FBXO21: variants seen among roughly 807,000 people sequenced by gnomAD.
The protein encoded by FBXO21 is F-box protein 21.
A neutral mutation model predicts 76.6 loss-of-function variants in FBXO21; 32 were observed. The ratio of observed to expected loss-of-function variants is 0.42; its 90% CI spans 0.32 to 0.56. The LOEUF (loss-of-function observed/expected upper bound fraction) is 0.56, where lower values mean the gene tolerates loss of function less well. FBXO21 is among the 20% of genes least tolerant of loss of function. FBXO21 has a pLI of 0.16. For missense variants in FBXO21, 586 were observed against 797.3 expected, an observed-to-expected ratio of 0.73 and a Z score of 3.19; for synonymous variants, 328 against 311.5, an observed-to-expected ratio of 1.05 and a Z score of -0.56.
At chr12:117,166,510 T>C (rs1428291957) in intron 8 of FBXO21, among the ~76,000 whole-genome samples, 1 of 151,268 alleles carries the variant, frequency 6.6e-6, no homozygotes, top group Non-Finnish European at 1.5e-5. Flanking sequence ...CTCTAAAAAA[T>C]AGTCTATTAA....
chr12:117,168,235 C>T (rs1270457140), intron 7 of FBXO21, among the ~76,000 whole-genome samples: 2 of 152,190 alleles, frequency 1.3e-5, no homozygotes, highest in Non-Finnish European at 2.9e-5. Context: ...CTACCCTTAG[C>T]AAGGATATAG....
At chr12:117,178,910 T>G (rs1956202644) in intron 3 of FBXO21, among the ~76,000 whole-genome samples, 1 of 152,198 alleles carries the variant, frequency 6.6e-6, no homozygotes, top group Non-Finnish European at 1.5e-5. Flanking sequence ...GCAGGGATTT[T>G]TTTTGTGTTG....
chr12:117,180,648 A>G (rs562379559), intron 3 of FBXO21, among the ~76,000 whole-genome samples: 1 of 152,046 alleles, frequency 6.6e-6, no homozygotes, highest in East Asian at 1.9e-4. Context: ...TTCTTTTGAG[A>G]CGGAGTCTCG....
chr12:117,173,066 G>A (rs1278702042), intron 6 of FBXO21, among the ~76,000 whole-genome samples: 1 of 147,720 alleles, frequency 6.8e-6, no homozygotes, highest in Non-Finnish European at 1.5e-5. Flanking sequence ...ATGGAGTCCC[G>A]CTCTGTTGCC....
chr12:117,149,647 C>T (rs1593056603), intron 11 of FBXO21, among the ~76,000 whole-genome samples: 2 of 152,216 alleles, frequency 1.3e-5, no homozygotes, highest in Admixed American at 6.5e-5. Flanking sequence ...GACGGCCCCC[C>T]ACAAACGGTT....
chr12:117,175,795 C>T (rs983401622), intron 4 of FBXO21, among the ~76,000 whole-genome samples: 11 of 152,252 alleles, frequency 7.2e-5, no homozygotes, highest in African/African-American at 2.7e-4. Context: ...GGAGAGCCAA[C>T]TGTCATTCAC....
At chr12:117,189,831 C>G (rs1000602716) in intron 1 of FBXO21, among the ~76,000 whole-genome samples, 1 of 152,212 alleles carries the variant, frequency 6.6e-6, no homozygotes, top group East Asian at 1.9e-4. Flanking sequence ...CCTGGGGCCA[C>G]GCTGAAATCT....
At chr12:117,181,122 TTC>T (rs1282518208) in intron 3 of FBXO21, among the ~76,000 whole-genome samples, 4 of 152,222 alleles carry the variant, frequency 2.6e-5, no homozygotes, top group African/African-American at 9.6e-5. Context: ...ATATCAGTGT[TTC>T]TCTGTTTTGT....
In FBXO21 at chr12:117,170,299, T is replaced by C. The variant is rs530959784; in HGVS notation, c.1013+2172A>G. ...AAGACTGATAGTGAGACATTGGCGATGTCCCCCTATTAATCTAGAACTCCA... is the reference window on the plus strand; with the variant it reads ...AAGACTGATAGTGAGACATTGGCGACGTCCCCCTATTAATCTAGAACTCCA... On this transcript the variant is annotated intron_variant, in intron 7 of 11. Coordinates refer to ENST00000622495, the MANE Select transcript of FBXO21 (RefSeq NM_015002.3). Among the ~76,000 whole-genome samples, 283 of 152,306 alleles carry C rather than the reference T, an allele frequency of 1.9e-3. 1 individual carries two copies. The highest frequency in any genetic ancestry group is 6.7e-3 in the African/African-American group (280 of 41,566).
intron 9 of FBXO21, among the ~76,000 whole-genome samples, chr12:117,162,386 C>T (rs1238953889): frequency 6.6e-6 from 1 of 152,184 alleles, no homozygotes; most frequent in Non-Finnish European, 1.5e-5. Flanking sequence ...CTCCTAGTGC[C>T]GTCACGGCAT....
At chr12:117,177,337 A>G (rs1305456492) in intron 4 of FBXO21, among the ~76,000 whole-genome samples, 183 bp downstream of exon 4, 1 of 152,246 alleles carries the variant, frequency 6.6e-6, no homozygotes, top group Non-Finnish European at 1.5e-5. Flanking sequence ...TCTTAGCTCT[A>G]AATTTAATAG....
chr12:117,166,003 A>G (rs1442854139), intron 8 of FBXO21, among the ~76,000 whole-genome samples: 1 of 152,152 alleles, frequency 6.6e-6, no homozygotes, highest in Admixed American at 6.5e-5. Context: ...CAGCCTGACC[A>G]ACATTGAGAA....
chr12:117,159,192 T>C (rs1769458321), intron 9 of FBXO21, among the ~76,000 whole-genome samples: 1 of 152,208 alleles, frequency 6.6e-6, no homozygotes, highest in African/African-American at 2.4e-5. Context: ...CCTCAACATT[T>C]ACTGAACACT....
At chr12:117,174,552 T>C (rs3817015) in intron 5 of FBXO21, 99 bp downstream of exon 5, 315,647 of 1,412,888 alleles carry the variant, frequency 0.22, 37,869 homozygotes, top group East Asian at 0.43. Flanking sequence ...TTATCACTTT[T>C]TCATGACATA....
Position 117,143,064 on chromosome 12 carries a change from T to C in FBXO21, c.*3023A>G, listed in dbSNP as rs1351100504. 1 of 152,202 alleles carries C rather than the reference T, an allele frequency of 6.6e-6. No individual in the cohort carries two copies. 9.4% of individuals were successfully genotyped at this position (152,202 alleles called of 1,614,324 possible). On this transcript the variant is annotated 3_prime_UTR_variant, in exon 12 of 12. Coordinates refer to ENST00000622495, the MANE Select transcript of FBXO21 (RefSeq NM_015002.3). ...CGACATGAAAGCCGGCCTTTCAAAA[T>C]CTGATTAGGTGGATAATGTTTGCAA... is the stretch of plus-strand genomic sequence containing the variant.
intron 9 of FBXO21, 23 bp downstream of exon 9, chr12:117,165,462 A>C: frequency 6.2e-7 from 1 of 1,609,892 alleles, no homozygotes; most frequent in Non-Finnish European, 8.5e-7. Context: ...GGCAAGTGCA[A>C]AGCATCAAAG....
Position 117,174,783 on chromosome 12 carries a change from C to A in FBXO21, c.607G>T (p.Asp203Tyr). The A allele has an allele frequency of 6.2e-7, 1 of 1,613,824 alleles. No homozygotes were observed. The highest frequency in any genetic ancestry group is 1.1e-5 in the South Asian group (1 of 90,992). ...TCGGAGAGAGGATTGCAGTACTGGT[C>A]AATATATACAGCACCTGAAAATGAA... ...ESYLEGAVYIDQYCNPLSDIS... is the reference protein window; with the variant it reads ...ESYLEGAVYIYQYCNPLSDIS... Residue 203 changes from aspartate to tyrosine, a missense_variant, in exon 5 of 12, where the codon GAC (aspartate) becomes TAC (tyrosine). This residue lies in a region of FBXO21 where 246 missense variants were observed against 356.8 expected (regional missense o/e 0.69). Transcript: ENST00000622495.
chr12:117,156,689 C>T lies in FBXO21; in HGVS notation c.1518-741G>A, dbSNP rs554728808. On this transcript the variant is annotated intron_variant, in intron 10 of 11. Coordinates refer to ENST00000622495, the MANE Select transcript of FBXO21 (RefSeq NM_015002.3). The stretch of plus-strand genomic sequence containing the variant: ...TGTTGAGGCTGGATGACAGGAACAC[C>T]ACCTGGTTCCTTATAGTCCTTTCTC... Among the ~76,000 whole-genome samples, 5 of 152,230 alleles carry T rather than the reference C, an allele frequency of 3.3e-5. No homozygotes were observed. The South Asian group carries it at 1.0e-3, about 32-fold the overall frequency.
chr12:117,146,133 G>A lies in FBXO21; in HGVS notation c.1820C>T (p.Thr607Met), dbSNP rs779512337. 8.7e-6 allele frequency: 14 copies of A among 1,613,362 alleles called. No individual in the cohort carries two copies. Among genetic ancestry groups the A allele is most frequent in the Admixed American group, 1.7e-5 (1 of 59,838 alleles). Residue 607 changes from threonine to methionine, a missense_variant, in exon 12 of 12, where the codon ACG (threonine) becomes ATG (methionine). This residue lies in a region of FBXO21 where 164 missense variants were observed against 236.7 expected (regional missense o/e 0.69). Coordinates refer to ENST00000622495, the MANE Select transcript of FBXO21 (RefSeq NM_015002.3). The part of the protein sequence containing the change: ...YPEDLEFVYE[T>M]VQNIYSAKKE... ...CTTTGCACTGTAAATATTCTGCACC[G>A]TTTCATAGACAAACTCCAGATCTTC... is the stretch of plus-strand genomic sequence containing the variant.
Sources: allele counts gnomAD v4.1 joint callset (sites outside exome capture counted in the v4.1 genomes callset), GRCh38; gene constraint gnomAD v4.1.1; regional missense constraint gnomAD v4.1.1; transcripts MANE v1.5; gene names NCBI Gene and HGNC (gene_info 2026-07-23, HGNC 2026-07-21).